Variants in INSRR observed in about 807,000 individuals in gnomAD.
INSRR encodes the protein insulin receptor-related protein.
In INSRR, 114 loss-of-function variants were observed where a neutral mutation model predicts 130.0. That is an observed-to-expected ratio of 0.88 (90% CI 0.75 to 1.02). INSRR has a LOEUF of 1.02. INSRR is among the 50% of genes least tolerant of loss of function. The pLI, the probability that INSRR is intolerant of heterozygous loss-of-function variation, is 0.00. For synonymous variants in INSRR, 674 were observed against 705.2 expected (o/e 0.96, Z 0.70); for missense variants, 1,657 against 1,735.2 (o/e 0.95, Z 0.80).
Position 156,844,697 on chromosome 1 carries a change from G to A in INSRR, c.2574+10C>T, listed in dbSNP as rs1302816619. The A allele has an allele frequency of 1.9e-6, 3 of 1,614,082 alleles. No homozygotes were observed. The highest frequency in any genetic ancestry group is 1.7e-6 in the Non-Finnish European group (2 of 1,180,002). ...AACGGGGCTGGGACGGGGGTCCCAC[G>A]GGCACCTACCTCTCCCAAGCGGCGG... On this transcript the variant is annotated intron_variant, in intron 13 of 21. Transcript: ENST00000368195.
At chr1:156,846,483 G>A (rs747954450) in intron 8 of INSRR, 36 bp downstream of exon 8, 2 of 1,521,554 alleles carry the variant, frequency 1.3e-6, no homozygotes, top group South Asian at 2.3e-5. Flanking sequence ...ATGGATGCAG[G>A]CGTCTGACTG....
intron 14 of INSRR, 67 bp from the exon 15 acceptor site, chr1:156,844,347 T>C: frequency 6.4e-7 from 1 of 1,555,464 alleles, no homozygotes. Flanking sequence ...GTCATGCTTC[T>C]CTTTCCATGC....
rs35237064 is a variant in INSRR, at chr1:156,850,534, CTTTTTTTTT to C, written c.1229+747_1229+755del. Among the ~76,000 whole-genome samples, 31 of 58,634 alleles carry C rather than the reference CTTTTTTTTT, an allele frequency of 5.3e-4. No individual in the cohort carries two copies. The East Asian group carries it at 0.014, about 27-fold the overall frequency. The allele number at this position is 58,634 out of a possible 152,430, so 38.5% of individuals were successfully genotyped here. A position where few individuals can be genotyped will look rare whatever the true frequency, so the allele number is the denominator to read the frequency against. On this transcript the variant is annotated intron_variant, in intron 5 of 21. Transcript: ENST00000368195. ...GACCTGGATGGTAATTTAAAACATT[CTTTTTTTTT>C]TTTTTTTTTTTTTTTTTTTTTTGAG...
Position 156,845,662 on chromosome 1 carries a change from T to C in INSRR, c.2131A>G (p.Lys711Glu), listed in dbSNP as rs1449599420. 1 of 1,610,496 alleles carries C rather than the reference T, an allele frequency of 6.2e-7. No homozygotes were observed. Among genetic ancestry groups the C allele is most frequent in the Non-Finnish European group, 8.5e-7 (1 of 1,178,920 alleles). The change falls in exon 10 of 22, where the codon AAG becomes GAG. Residue 711 changes from lysine (K) to glutamate (E), a missense_variant. By Grantham distance (56) the Lys-to-Glu change is moderately conservative. Transcript: ENST00000368195. Reference sequence around the variant, plus strand: ...TTGTGTAGAAAGTTTTCAAACTTCTTCTGGAACGAGGCCTCTTGCGCCTCC... The same window carrying C: ...TTGTGTAGAAAGTTTTCAAACTTCTCCTGGAACGAGGCCTCTTGCGCCTCC... ...PLEAQEASFQ[K>E]KFENFLHNAI...
At chr1:156,856,326 G>T (rs953371253) in intron 1 of INSRR, among the ~76,000 whole-genome samples, 2 of 152,176 alleles carry the variant, frequency 1.3e-5, no homozygotes, top group Non-Finnish European at 1.5e-5. Context: ...TTCTGTGACT[G>T]CGAAGAAGTG....
intron 1 of INSRR, 64 bp downstream of exon 1, chr1:156,858,473 T>C: frequency 7.8e-7 from 1 of 1,289,922 alleles, no homozygotes; most frequent in Non-Finnish European, 1.1e-6. Context: ...GCAAGCTCAG[T>C]TTTTTGGCCT....
chr1:156,846,028 G>C lies in INSRR; in HGVS notation c.1902C>G (p.Asn634Lys). The change falls in exon 9 of 22, where the codon AAC (asparagine) becomes AAG (lysine). Residue 634 changes from asparagine to lysine, a missense_variant. Asn to Lys is a moderately conservative substitution (Grantham distance 94). Transcript: ENST00000368195. ...GCCACAGCACCAGGTAGTAGGTGAGGTTCCCATTGCGCTGGGTCGGTGGCT... is the reference window on the plus strand; with the variant it reads ...GCCACAGCACCAGGTAGTAGGTGAGCTTCCCATTGCGCTGGGTCGGTGGCT... ...RWKPPTQRNGNLTYYLVLWQR... is the reference protein window; with the variant it reads ...RWKPPTQRNGKLTYYLVLWQR... 1.9e-6 allele frequency: 3 copies of C among 1,614,114 alleles called. No individual in the cohort carries two copies. The highest frequency in any genetic ancestry group is 2.5e-6 in the Non-Finnish European group (3 of 1,180,006).
At position 156,844,045 on chromosome 1, in the gene INSRR, C is replaced by T. The variant is rs966061245; in HGVS notation, c.2843+130G>A. 6 of 672,540 alleles carry T rather than the reference C, an allele frequency of 8.9e-6. 1 individual carries two copies. Among genetic ancestry groups the T allele is most frequent in the Admixed American group, 5.4e-5 (2 of 37,220 alleles). The allele number at this position is 672,540 out of a possible 1,614,324, so 41.7% of individuals were successfully genotyped here. A position where few individuals can be genotyped will look rare whatever the true frequency, so the allele number is the denominator to read the frequency against. On this transcript the variant is annotated intron_variant, in intron 15 of 21. Coordinates refer to ENST00000368195, the MANE Select transcript of INSRR (RefSeq NM_014215.3). ...TGAGAGGTATGTTTCCTCTGTGCCACCGCAGGGGAAGAGTTACTGCCTGTA... is the reference window on the plus strand; with the variant it reads ...TGAGAGGTATGTTTCCTCTGTGCCATCGCAGGGGAAGAGTTACTGCCTGTA...
intron 5 of INSRR, 83 bp from the exon 6 acceptor site, chr1:156,849,543 A>G (rs1194586399): frequency 9.1e-7 from 1 of 1,094,982 alleles, no homozygotes; most frequent in African/African-American, 1.5e-5. Context: ...TTCCTCCTGG[A>G]AGGGTTTTGC....
chr1:156,855,472 T>C (rs1018713140), intron 1 of INSRR, among the ~76,000 whole-genome samples: 49 of 152,246 alleles, frequency 3.2e-4, no homozygotes, highest in African/African-American at 1.1e-3. Flanking sequence ...CCCAAAGTGC[T>C]GGGATTACAG....
In INSRR at chr1:156,843,428, A is replaced by T; in HGVS notation, c.2895T>A (p.Asp965Glu). Residue 965 changes from aspartate to glutamate, a missense_variant and splice_region_variant, in exon 16 of 22, where the codon GAT becomes GAA. Physicochemically the swap from Asp to Glu is conservative, Grantham distance 45. Transcript: ENST00000368195. The stretch of plus-strand genomic sequence containing the variant: ...CTGTCCACCCACTCCCAGACCTACT[A>T]TCAGAGGCGCTGAAGTACTCTGGAT... ...SVNPEYFSASDMYVPDEWEVP... is the reference protein window; with the variant it reads ...SVNPEYFSASEMYVPDEWEVP... The T allele has an allele frequency of 6.2e-7, 1 of 1,614,030 alleles. No homozygotes were observed.
Position 156,846,015 on chromosome 1 carries a change from G to C in INSRR, c.1915C>G (p.Leu639Val), listed in dbSNP as rs1558086592. Residue 639 changes from leucine to valine, a missense_variant, in exon 9 of 22, where the codon CTG becomes GTG. Physicochemically the swap from Leu to Val is conservative, Grantham distance 32. Transcript: ENST00000368195. ...TCTGCCAGCCGCTGCCACAGCACCA[G>C]GTAGTAGGTGAGGTTCCCATTGCGC... ...TQRNGNLTYY[L>V]VLWQRLAEDG... is the part of the protein sequence containing the mutation. The C allele has an allele frequency of 6.2e-7, 1 of 1,614,138 alleles. No individual in the cohort carries two copies. The highest frequency in any genetic ancestry group is 8.5e-7 in the Non-Finnish European group (1 of 1,180,016).
In INSRR at chr1:156,841,332, G is replaced by A. The variant is rs1190849923; in HGVS notation, c.3662+62C>T. 1.1e-5 allele frequency: 16 copies of A among 1,512,166 alleles called. No individual in the cohort carries two copies. In the Admixed American group the frequency reaches 2.7e-4, roughly 25 times the overall value. The allele number at this position is 1,512,166 out of a possible 1,614,324, so 93.7% of individuals were successfully genotyped here. ...AGAGGAGGTGAGCCAGAATCATGGG[G>A]CCGGGTGGGGGAGGGTTGTAGGTAG... On this transcript the variant is annotated intron_variant, in intron 21 of 21. Transcript: ENST00000368195.
In INSRR at chr1:156,854,091, T is replaced by G; in HGVS notation, c.298A>C (p.Asn100His). The change falls in exon 2 of 22, where the codon AAC becomes CAC. Residue 100 changes from asparagine (N) to histidine (H), a missense_variant. Physicochemically the swap from Asn to His is moderately conservative, Grantham distance 68. Coordinates refer to ENST00000368195, the MANE Select transcript of INSRR (RefSeq NM_014215.3). The surrounding 1 kb of genome is among the most constrained non-coding windows in gnomAD (Gnocchi z 4.2). ...CGCGTCCCGCGGATGACTGCTAGGT[T>G]GGGGAAGAGGTCGCGCAGGCTCTCC... ...GLESLRDLFP[N>H]LAVIRGTRLF... 6.2e-7 allele frequency: 1 copy of G among 1,614,116 alleles called. No homozygotes were observed. Among genetic ancestry groups the G allele is most frequent in the South Asian group, 1.1e-5 (1 of 91,090 alleles).
At chr1:156,845,859 CG>C in intron 9 of INSRR, 45 bp from the exon 10 acceptor site, 1 of 1,601,246 alleles carries the variant, frequency 6.2e-7, no homozygotes, top group East Asian at 2.3e-5. Context: ...GCGGTCTACC[CG>C]CCTCTGATCC....
chr1:156,855,216 T>C (rs28626022), intron 1 of INSRR, among the ~76,000 whole-genome samples: 1 of 13,432 alleles, frequency 7.4e-5, no homozygotes, highest in African/African-American at 2.0e-4. Flanking sequence ...ATCTATTTAT[T>C]TATTTGATAT....
intron 12 of INSRR, 68 bp from the exon 13 acceptor site, chr1:156,844,911 T>C: frequency 7.5e-6 from 12 of 1,597,394 alleles, no homozygotes; most frequent in Non-Finnish European, 9.4e-6. Flanking sequence ...AAACCCAAGC[T>C]AAACTGGGCT....
intron 7 of INSRR, among the ~76,000 whole-genome samples, chr1:156,847,699 G>A (rs1008579095): frequency 6.6e-6 from 1 of 152,082 alleles, no homozygotes; most frequent in Non-Finnish European, 1.5e-5. Context: ...TGGGTGTCAT[G>A]GGAGCAGGTG....
In INSRR at chr1:156,853,998, G is replaced by A; in HGVS notation, c.391C>T (p.Leu131Phe). 6.2e-7 allele frequency: 1 copy of A among 1,613,802 alleles called. No individual in the cohort carries two copies. The highest frequency in any genetic ancestry group is 8.5e-7 in the Non-Finnish European group (1 of 1,179,772). ...PHLRDVALPA[L>F]GAVLRGAVRV... is the part of the protein sequence containing the mutation. ...ACAGCCCCACGCAGCACGGCCCCAAGTGCAGGCAGTGCCACGTCACGCAGA... is the reference window on the plus strand; with the variant it reads ...ACAGCCCCACGCAGCACGGCCCCAAATGCAGGCAGTGCCACGTCACGCAGA... The change falls in exon 2 of 22, where the codon CTT (leucine) becomes TTT (phenylalanine). Residue 131 changes from leucine to phenylalanine, a missense_variant. By Grantham distance (22) the Leu-to-Phe change is conservative. Transcript: ENST00000368195.
Sources: gnomAD v4.1 joint callset for allele counts (sites outside exome capture counted in the v4.1 genomes callset) on GRCh38, gnomAD v4.1.1 for gene constraint, Gnocchi (gnomAD v3.1) non-coding constraint, MANE v1.5 for transcripts, NCBI Gene and HGNC (gene_info 2026-07-23, HGNC 2026-07-21) for gene names.